EPB41L5: variants seen among roughly 807,000 people sequenced by gnomAD.
EPB41L5 encodes the protein band 4.1-like protein 5.
A neutral mutation model predicts 106.6 loss-of-function variants in EPB41L5; 55 were observed. That is an observed-to-expected ratio of 0.52 (90% CI 0.42 to 0.65). The LOEUF (loss-of-function observed/expected upper bound fraction) is 0.65. EPB41L5 is among the 30% of genes least tolerant of loss of function. EPB41L5 has a pLI of 0.00. For synonymous variants in EPB41L5, 297 were observed against 306.7 expected (o/e 0.97, Z 0.33); for missense variants, 871 against 882.1 (o/e 0.99, Z 0.16).
At chr2:120,019,650 G>A (rs1677792608) in intron 2 of EPB41L5, among the ~76,000 whole-genome samples, 1 of 152,178 alleles carries the variant, frequency 6.6e-6, no homozygotes, top group South Asian at 2.1e-4. Context: ...ACACTTAAAT[G>A]TGTACTGTAA....
At chr2:120,164,771 G>T in intron 21 of EPB41L5, 65 bp from the exon 22 acceptor site, 2 of 1,138,140 alleles carry the variant, frequency 1.8e-6, no homozygotes, top group South Asian at 2.7e-5. Context: ...GAGAGGATAT[G>T]GAAAAAACTT....
At chr2:120,111,346 A>G (rs1000251452) in intron 16 of EPB41L5, among the ~76,000 whole-genome samples, 11 of 152,190 alleles carry the variant, frequency 7.2e-5, no homozygotes, top group African/African-American at 2.4e-4. Context: ...AGTTTTTCCC[A>G]TCTTTGTGGT....
In EPB41L5 at chr2:120,076,962, T is replaced by G. The variant is rs190163501; in HGVS notation, c.506-9T>G. ...AAATACATATAACTTTTGAAACTTA[T>G]GTTTATAGCTGAACTTGGTGACTAT... On this transcript the variant is annotated splice_polypyrimidine_tract_variant and intron_variant, in intron 7 of 24. Transcript: ENST00000263713. 1 of 1,576,988 alleles carries G rather than the reference T, an allele frequency of 6.3e-7. No individual in the cohort carries two copies. Among genetic ancestry groups the G allele is most frequent in the Non-Finnish European group, 8.6e-7 (1 of 1,163,116 alleles).
chr2:120,134,580 G>T (rs985808010), intron 18 of EPB41L5, among the ~76,000 whole-genome samples: 3 of 152,188 alleles, frequency 2.0e-5, no homozygotes, highest in Non-Finnish European at 4.4e-5. Context: ...TCCCCCAACT[G>T]CATGCAGCTC....
intron 13 of EPB41L5, 124 bp from the exon 14 acceptor site, chr2:120,093,125 G>T: frequency 1.2e-6 from 1 of 841,590 alleles, no homozygotes; most frequent in Non-Finnish European, 2.0e-6. Flanking sequence ...CTTTCTCAAA[G>T]AAATAAATTT....
chr2:120,018,923 G>A (rs1395656516), intron 1 of EPB41L5, among the ~76,000 whole-genome samples, 154 bp from the exon 2 acceptor site: 2 of 152,128 alleles, frequency 1.3e-5, no homozygotes, highest in South Asian at 2.1e-4. Flanking sequence ...TGAGATTGCA[G>A]GCGTGAGTCA....
At chr2:120,168,098 A>T in intron 24 of EPB41L5, 91 bp downstream of exon 24, 1 of 1,397,328 alleles carries the variant, frequency 7.2e-7, no homozygotes, top group South Asian at 1.4e-5. Context: ...AGCAATGTCA[A>T]TTCTTCCCTA....
chr2:120,094,080 A>C (rs1558869424), intron 14 of EPB41L5, among the ~76,000 whole-genome samples: 1 of 151,950 alleles, frequency 6.6e-6, no homozygotes. Context: ...TCTCCCTCCT[A>C]GGCTCAAGTG....
rs1233348808 is a variant in EPB41L5 at position 120,091,653 on chromosome 2, A to T, written c.1142A>T (p.Gln381Leu). Reference protein sequence around the residue: ...PSKRYSRRTLQMKACATKPEE... With the variant: ...PSKRYSRRTLLMKACATKPEE... ...AAACGATATTCTAGACGAACTCTAC[A>T]AATGAAAGGTGAAGTGCAACCCTCT... The change falls in exon 13 of 25, where the codon CAA becomes CTA. Residue 381 changes from glutamine to leucine, a missense_variant. Coordinates refer to ENST00000263713, the MANE Select transcript of EPB41L5 (RefSeq NM_020909.4). 3.1e-6 allele frequency: 5 copies of T among 1,611,142 alleles called. No homozygotes were observed. The highest frequency in any genetic ancestry group is 4.2e-6 in the Non-Finnish European group (5 of 1,177,540).
chr2:120,066,244 T>C (rs931171777), intron 3 of EPB41L5, among the ~76,000 whole-genome samples: 1 of 152,064 alleles, frequency 6.6e-6, no homozygotes, highest in Non-Finnish European at 1.5e-5. Context: ...GCGGATAATA[T>C]AGGAAAGCAC....
At chr2:120,174,798 A>C in intron 24 of EPB41L5, 43 bp from the exon 25 acceptor site, 1 of 1,585,542 alleles carries the variant, frequency 6.3e-7, no homozygotes, top group South Asian at 1.1e-5. Context: ...CCTCCTCCAA[A>C]CCCCAGGGGT....
chr2:120,140,322 A>G (rs1686115918), intron 18 of EPB41L5, among the ~76,000 whole-genome samples: 2 of 152,034 alleles, frequency 1.3e-5, no homozygotes, highest in Non-Finnish European at 1.5e-5. Flanking sequence ...TACACAAGAA[A>G]TGATAAATGT....
At chr2:120,087,583 G>A (rs1683142320) in intron 11 of EPB41L5, among the ~76,000 whole-genome samples, 1 of 152,182 alleles carries the variant, frequency 6.6e-6, no homozygotes, top group Admixed American at 6.5e-5. Context: ...CTGGGCTCAA[G>A]TGATCCTCCT....
At chr2:120,056,316 T>C (rs984806579) in intron 3 of EPB41L5, among the ~76,000 whole-genome samples, 1 of 152,100 alleles carries the variant, frequency 6.6e-6, no homozygotes, top group African/African-American at 2.4e-5. Context: ...TTTTTTTTTT[T>C]TGAGATGGAG....
chr2:120,046,841 G>C (rs1679813115), intron 3 of EPB41L5, among the ~76,000 whole-genome samples: 1 of 152,120 alleles, frequency 6.6e-6, no homozygotes, highest in Admixed American at 6.5e-5. Flanking sequence ...TTTTGTATAA[G>C]GTGTAAGGAA....
intron 3 of EPB41L5, among the ~76,000 whole-genome samples, chr2:120,053,466 A>G (rs1189046082): frequency 6.6e-6 from 1 of 152,152 alleles, no homozygotes; most frequent in Non-Finnish European, 1.5e-5. Flanking sequence ...CATCACCCCC[A>G]AAGAAACCCT....
intron 3 of EPB41L5, among the ~76,000 whole-genome samples, chr2:120,064,590 A>C (rs543498600): frequency 5.3e-5 from 8 of 152,358 alleles, no homozygotes; most frequent in African/African-American, 1.7e-4. Flanking sequence ...TTGTTCTTCC[A>C]TGCCTAGTTC....
chr2:120,105,157 A>G lies in EPB41L5; in HGVS notation c.1337+4343A>G, dbSNP rs1287696608. Reference sequence around the variant, plus strand: ...TATTACTATTTTTGATCCTTTTTAAACTTTAGAATTTCAAGCTCCTTGGTT... The same window carrying G: ...TATTACTATTTTTGATCCTTTTTAAGCTTTAGAATTTCAAGCTCCTTGGTT... On this transcript the variant is annotated intron_variant, in intron 16 of 24. Transcript: ENST00000263713. 7.2e-6 allele frequency: 7 copies of G among 978,764 alleles called. No individual in the cohort carries two copies. The East Asian group carries it at 4.5e-4, about 64-fold the overall frequency. 60.6% of individuals were successfully genotyped at this position (978,764 alleles called of 1,614,324 possible).
chr2:120,119,676 G>T (rs1462897636), intron 16 of EPB41L5, among the ~76,000 whole-genome samples: 1 of 151,906 alleles, frequency 6.6e-6, no homozygotes, highest in African/African-American at 2.4e-5. Flanking sequence ...GTTAATTAAA[G>T]AGAGAATCAG....
Sources: allele counts gnomAD v4.1 joint callset (sites outside exome capture counted in the v4.1 genomes callset), GRCh38; gene constraint gnomAD v4.1.1; transcripts MANE v1.5; gene names NCBI Gene and HGNC (gene_info 2026-07-23, HGNC 2026-07-21).